Variants in IQCN observed in about 807,000 individuals in gnomAD.
IQCN encodes the protein IQ motif containing N.
Under a neutral mutation model 64.4 loss-of-function variants are expected in IQCN, and 46 were observed. The observed-to-expected ratio is 0.71, with a 90% CI of 0.56 to 0.91. The LOEUF (loss-of-function observed/expected upper bound fraction) is 0.91. IQCN is among the 40% of genes least tolerant of loss of function. The probability of loss-of-function intolerance (pLI) is 0.00; values close to 1 mark genes in which losing one functional copy is unlikely to be tolerated. For missense variants in IQCN, 1,753 were observed against 1,857.4 expected (o/e 0.94, Z 1.03); for synonymous variants, 733 against 775.6 (o/e 0.95, Z 0.91).
chr19:18,265,534 G>T lies in IQCN; in HGVS notation c.2006C>A (p.Ala669Asp). Reference protein sequence around the residue: ...RGQLAAPLTNASSQRHPPCLS... With the variant: ...RGQLAAPLTNDSSQRHPPCLS... ...GCAGGGTGGATGTCTCTGGGATGAG[G>T]CATTGGTCAGTGGGGCAGCCAGCTG... The change falls in exon 3 of 4, where the codon GCC becomes GAC. Residue 669 changes from alanine (A) to aspartate (D), a missense_variant. Coordinates refer to ENST00000392413, the MANE Select transcript of IQCN (RefSeq NM_001145304.2). This position sits in a 1 kb window ranked among gnomAD's most constrained non-coding sequence, Gnocchi z 4.7. The T allele has an allele frequency of 6.2e-7, 1 of 1,612,282 alleles. No homozygotes were observed.
rs1213945223 is a variant in IQCN at position 18,267,412 on chromosome 19, A to G, written c.128T>C (p.Leu43Pro). Residue 43 changes from leucine (L) to proline (P), a missense_variant, in exon 3 of 4, where the codon CTC becomes CCC. Physicochemically the swap from Leu to Pro is moderately conservative, Grantham distance 98. Transcript: ENST00000392413. ...VHPPAPAHPSLLDKMEKAPPQ... is the reference protein window; with the variant it reads ...VHPPAPAHPSPLDKMEKAPPQ... The stretch of plus-strand genomic sequence containing the variant: ...AGGCGCTTTCTCCATTTTGTCCAGG[A>G]GACTGGGGTGAGCGGGGGCTGGAGG... 6.3e-7 allele frequency: 1 copy of G among 1,583,026 alleles called. No individual in the cohort carries two copies. The highest frequency in any genetic ancestry group is 1.8e-5 in the Admixed American group (1 of 56,014).
Position 18,264,255 on chromosome 19 carries a change from C to T in IQCN, c.3177+108G>A. On this transcript the variant is annotated intron_variant, in intron 3 of 3. Coordinates refer to ENST00000392413, the MANE Select transcript of IQCN (RefSeq NM_001145304.2). This position sits in a 1 kb window ranked among gnomAD's most constrained non-coding sequence, Gnocchi z 4.3. The stretch of plus-strand genomic sequence containing the variant: ...GGCTCCCACAGTGACCACAGATAAG[C>T]AGGGTGACCCCCACAAGATGGCCCC... The T allele has an allele frequency of 2.1e-6, 2 of 968,262 alleles. No individual in the cohort carries two copies. Among genetic ancestry groups the T allele is most frequent in the South Asian group, 1.8e-5 (1 of 56,380 alleles). 60.0% of individuals were successfully genotyped at this position (968,262 alleles called of 1,614,324 possible). A position where few individuals can be genotyped will look rare whatever the true frequency, so the allele number is the denominator to read the frequency against.
At chr19:18,263,625 G>A (rs1452213431) in intron 3 of IQCN, among the ~76,000 whole-genome samples, 1 of 152,150 alleles carries the variant, frequency 6.6e-6, no homozygotes, top group East Asian at 1.9e-4. Context: ...ACCCGGGGGG[G>A]CCTGTTTGCG....
In IQCN at chr19:18,265,281, G is replaced by C; in HGVS notation, c.2259C>G (p.Thr753=). The C allele has an allele frequency of 3.7e-6, 6 of 1,614,110 alleles. No homozygotes were observed. Among genetic ancestry groups the C allele is most frequent in the Non-Finnish European group, 5.1e-6 (6 of 1,180,028 alleles). ...QSRGQPITDI[T]TCLIPAHQAA... Reference sequence around the variant, plus strand: ...CCTGGTGCGCTGGGATGAGGCACGTGGTTATGTCTGTGATCGGCTGCCCCC... The same window carrying C: ...CCTGGTGCGCTGGGATGAGGCACGTCGTTATGTCTGTGATCGGCTGCCCCC... Residue 753 remains threonine (T), a synonymous_variant, in exon 3 of 4, where the codon ACC becomes ACG. Coordinates refer to ENST00000392413, the MANE Select transcript of IQCN (RefSeq NM_001145304.2). This position sits in a 1 kb window ranked among gnomAD's most constrained non-coding sequence, Gnocchi z 4.7.
At position 18,265,477 on chromosome 19, in the gene IQCN, G is replaced by A; in HGVS notation, c.2063C>T (p.Thr688Ile). ...CAGATGTCCCTGAGATGAGGCCTTG[G>A]TCAGCGGGGCGGCCAGTGGTCTCTG... ...LSQRPLAAPL[T>I]KASSQGHLPT... The change falls in exon 3 of 4, where the codon ACC becomes ATC. Residue 688 changes from threonine to isoleucine, a missense_variant. Coordinates refer to ENST00000392413, the MANE Select transcript of IQCN (RefSeq NM_001145304.2). The surrounding 1 kb of genome is among the most constrained non-coding windows in gnomAD (Gnocchi z 4.7). 6.2e-7 allele frequency: 1 copy of A among 1,613,334 alleles called. No individual in the cohort carries two copies. Among genetic ancestry groups the A allele is most frequent in the Non-Finnish European group, 8.5e-7 (1 of 1,179,326 alleles).
intron 1 of IQCN, among the ~76,000 whole-genome samples, chr19:18,270,571 A>G (rs549535192): frequency 1.3e-5 from 2 of 152,056 alleles, no homozygotes; most frequent in African/African-American, 4.8e-5. Flanking sequence ...AGACAGGAGG[A>G]TCATTTGAGG....
In IQCN at chr19:18,257,981, C is replaced by G. The variant is rs1412159925; in HGVS notation, c.3303G>C (p.Glu1101Asp). Reference protein sequence around the residue: ...KAVVPPRRSGEPMVSMQAAEE... With the variant: ...KAVVPPRRSGDPMVSMQAAEE... Reference sequence around the variant, plus strand: ...CTGCAGCCTGCATGGACACCATTGGCTCCCCGGACCGCCTGGGAGGCACCA... The same window carrying G: ...CTGCAGCCTGCATGGACACCATTGGGTCCCCGGACCGCCTGGGAGGCACCA... Residue 1101 changes from glutamate (E) to aspartate (D), a missense_variant, in exon 4 of 4, where the codon GAG (glutamate) becomes GAC (aspartate). Coordinates refer to ENST00000392413, the MANE Select transcript of IQCN (RefSeq NM_001145304.2). 1 of 1,612,502 alleles carries G rather than the reference C, an allele frequency of 6.2e-7. No individual in the cohort carries two copies. The highest frequency in any genetic ancestry group is 1.1e-5 in the South Asian group (1 of 91,048).
chr19:18,269,892 A>G (rs1969698476), intron 1 of IQCN, among the ~76,000 whole-genome samples: 1 of 151,964 alleles, frequency 6.6e-6, no homozygotes, highest in Admixed American at 6.6e-5. Flanking sequence ...GCTTAAATTA[A>G]TCATACAAGG....
In IQCN at chr19:18,266,062, G is replaced by A; in HGVS notation, c.1478C>T (p.Pro493Leu). Residue 493 changes from proline to leucine, a missense_variant, in exon 3 of 4, where the codon CCC becomes CTC. Coordinates refer to ENST00000392413, the MANE Select transcript of IQCN (RefSeq NM_001145304.2). This position sits in a 1 kb window ranked among gnomAD's most constrained non-coding sequence, Gnocchi z 4.3. ...RSPVGVTKPS[P>L]QTRLPAMITK... ...TATCATGGCTGGCAGGCGGGTCTGG[G>A]GTGAGGGCTTGGTCACCCCAACTGG... 1 of 1,614,186 alleles carries A rather than the reference G, an allele frequency of 6.2e-7. No homozygotes were observed. The highest frequency in any genetic ancestry group is 1.3e-5 in the African/African-American group (1 of 75,040).
chr19:18,265,266 T>G lies in IQCN; in HGVS notation c.2274A>C (p.Pro758=). ...TGCTGAGATCAGCAGCCTGGTGCGC[T>G]GGGATGAGGCACGTGGTTATGTCTG... is the stretch of plus-strand genomic sequence containing the variant. ...PITDITTCLI[P]AHQAADLSSN... The change falls in exon 3 of 4, where the codon CCA becomes CCC. Residue 758 remains proline (P), a synonymous_variant. Transcript: ENST00000392413. This position sits in a 1 kb window ranked among gnomAD's most constrained non-coding sequence, Gnocchi z 4.7. 6.2e-7 allele frequency: 1 copy of G among 1,613,838 alleles called. No individual in the cohort carries two copies. Among genetic ancestry groups the G allele is most frequent in the South Asian group, 1.1e-5 (1 of 91,078 alleles).
intron 3 of IQCN, chr19:18,259,580 G>GCC (rs1969384088): frequency 6.6e-6 from 1 of 152,250 alleles, no homozygotes; most frequent in Non-Finnish European, 1.5e-5. Flanking sequence ...CTGGGACTGC[G>GCC]CCCGTGCTCA....
intron 3 of IQCN, among the ~76,000 whole-genome samples, chr19:18,263,511 C>T (rs1186010638): frequency 6.6e-6 from 1 of 152,196 alleles, no homozygotes; most frequent in African/African-American, 2.4e-5. Context: ...CAATGCACTG[C>T]CGGGGGAAGC....
chr19:18,266,082 A>C lies in IQCN; in HGVS notation c.1458T>G (p.Val486=), dbSNP rs746843945. The change falls in exon 3 of 4, where the codon GTT becomes GTG. Residue 486 remains valine, a synonymous_variant. Coordinates refer to ENST00000392413, the MANE Select transcript of IQCN (RefSeq NM_001145304.2). This position sits in a 1 kb window ranked among gnomAD's most constrained non-coding sequence, Gnocchi z 4.3. ...MSKTSSQRSP[V]GVTKPSPQTR... The stretch of plus-strand genomic sequence containing the variant: ...TCTGGGGTGAGGGCTTGGTCACCCC[A>C]ACTGGGCTCCTCTGGGATGAAGTCT... 2 of 1,613,584 alleles carry C rather than the reference A, an allele frequency of 1.2e-6. No individual in the cohort carries two copies. Among genetic ancestry groups the C allele is most frequent in the Non-Finnish European group, 1.7e-6 (2 of 1,179,916 alleles).
At position 18,273,326 on chromosome 19, in the gene IQCN, C is replaced by T. The variant is rs994727657; in HGVS notation, c.-110+1077G>A. 2.0e-5 allele frequency among the ~76,000 whole-genome samples: 3 copies of T among 151,878 alleles called. No individual in the cohort carries two copies. In the South Asian group the frequency reaches 6.2e-4, roughly 32 times the overall value. The stretch of plus-strand genomic sequence containing the variant: ...GGATTACAGGCATGAGTCACCATGC[C>T]CGGCCTAATTATTATTATTATTCTC... On this transcript the variant is annotated intron_variant, in intron 1 of 3. Transcript: ENST00000392413.
intron 3 of IQCN, chr19:18,258,724 G>T (rs1439811673): frequency 6.3e-6 from 2 of 318,340 alleles, no homozygotes; most frequent in South Asian, 2.6e-5. Flanking sequence ...GCCAGCTGGG[G>T]TGATCCTGAG....
intron 3 of IQCN, chr19:18,258,769 T>C: frequency 3.9e-6 from 1 of 256,742 alleles, no homozygotes; most frequent in South Asian, 4.3e-5. Flanking sequence ...TGAGAGTGAT[T>C]TGGGGGTATG....
intron 1 of IQCN, among the ~76,000 whole-genome samples, chr19:18,273,762 G>C (rs898731980): frequency 1.3e-5 from 2 of 152,194 alleles, no homozygotes. Flanking sequence ...CATTCCAGGG[G>C]CTGAGGTTTC....
intron 1 of IQCN, among the ~76,000 whole-genome samples, chr19:18,271,608 T>C (rs1969737151): frequency 6.6e-6 from 1 of 152,096 alleles, no homozygotes; most frequent in African/African-American, 2.4e-5. Flanking sequence ...TTAACGGAGA[T>C]AATTGCTGGA....
rs187210315 is a variant in IQCN at position 18,273,141 on chromosome 19, C to G, written c.-110+1262G>C. Among the ~76,000 whole-genome samples, 19 of 151,702 alleles carry G rather than the reference C, an allele frequency of 1.3e-4. 1 individual carries two copies. In the East Asian group the frequency reaches 3.7e-3, roughly 30 times the overall value. On this transcript the variant is annotated intron_variant, in intron 1 of 3. Transcript: ENST00000392413. ...CGCCTCCCAGGTTCAAAGTGATTCT[C>G]CTGTCTCAGCCTCCCGAGTAGCTGG...
Sources: allele counts gnomAD v4.1 joint callset (sites outside exome capture counted in the v4.1 genomes callset), GRCh38; gene constraint gnomAD v4.1.1; non-coding constraint Gnocchi (gnomAD v3.1); transcripts MANE v1.5; gene names NCBI Gene and HGNC (gene_info 2026-07-23, HGNC 2026-07-21).